The following GCNT1 variants were observed in gnomAD, a reference collection of about 807,000 sequenced individuals.
The protein encoded by GCNT1 is beta-1,3-galactosyl-O-glycosyl-glycoprotein beta-1,6-N-acetylglucosaminyltransferase.
GCNT1 carries 16 observed loss-of-function variants against 26.2 expected under a neutral mutation model. The observed-to-expected ratio is 0.61, with a 90% CI of 0.41 to 0.93. GCNT1 has a LOEUF of 0.93. GCNT1 is among the 40% of genes least tolerant of loss of function. GCNT1 has a pLI of 0.00. For synonymous variants in GCNT1, 183 were observed against 190.8 expected (o/e 0.96, Z 0.34); for missense variants, 477 against 526.7 (o/e 0.91, Z 0.92).
upstream of GCNT1, among the ~76,000 whole-genome samples, chr9:76,417,770 C>G (rs1173943921): frequency 2.6e-5 from 4 of 152,106 alleles, no homozygotes; most frequent in African/African-American, 4.8e-5. Context: ...CTTTTGTAGG[C>G]CATTAATTTC....
intron 2 of GCNT1, among the ~76,000 whole-genome samples, chr9:76,482,154 G>A (rs1023836437): frequency 2.6e-5 from 4 of 152,104 alleles, no homozygotes; most frequent in African/African-American, 7.2e-5. Context: ...TCACTTGCAA[G>A]ATGTACAGAA....
At chr9:76,414,224 T>C in the GCNT1 span, among the ~76,000 whole-genome samples, 1 of 152,220 alleles carries the variant, frequency 6.6e-6, no homozygotes, top group East Asian at 1.9e-4. Flanking sequence ...GCATCCTCAG[T>C]CTCTTCAAAT....
intron 1 of GCNT1, among the ~76,000 whole-genome samples, chr9:76,451,050 C>T (rs1823657509): frequency 6.6e-6 from 1 of 152,190 alleles, no homozygotes; most frequent in African/African-American, 2.4e-5. Flanking sequence ...TTAGGAGCCA[C>T]ACTTTCTTTT....
At chr9:76,455,757 G>A (rs1183868261), upstream of GCNT1, among the ~76,000 whole-genome samples, 3 of 151,704 alleles carry the variant, frequency 2.0e-5, no homozygotes, top group East Asian at 1.9e-4. Flanking sequence ...ATGTGCCACC[G>A]CACCCAGCTA....
intron 1 of GCNT1, 123 bp downstream of exon 1, chr9:76,459,428 C>G (rs1251622829): frequency 6.6e-6 from 1 of 152,202 alleles, no homozygotes; most frequent in Non-Finnish European, 1.5e-5. Flanking sequence ...GGCTGGGCTC[C>G]CCCGCGGAGG....
chr9:76,424,504 G>T (rs1564219163), intron 1 of GCNT1, among the ~76,000 whole-genome samples: 1 of 152,296 alleles, frequency 6.6e-6, no homozygotes, highest in Non-Finnish European at 1.5e-5. Context: ...AATTAATGTG[G>T]ACTGGTGTCG....
chr9:76,401,261 A>T, the GCNT1 span, among the ~76,000 whole-genome samples: 1 of 152,216 alleles, frequency 6.6e-6, no homozygotes, highest in Non-Finnish European at 1.5e-5. Context: ...ATGTATTTAC[A>T]TATTTATTTT....
upstream of GCNT1, among the ~76,000 whole-genome samples, chr9:76,458,219 G>A (rs183121539): frequency 0.039 from 4,315 of 111,746 alleles, 86 homozygotes; most frequent in Non-Finnish European, 0.052. Flanking sequence ...GTCTCGCTCT[G>A]TTGCCCAGGC....
upstream of GCNT1, among the ~76,000 whole-genome samples, chr9:76,440,016 G>T (rs901958037): frequency 6.6e-6 from 1 of 151,446 alleles, no homozygotes; most frequent in Admixed American, 6.6e-5. Context: ...CAGGAGAATC[G>T]CTTGAACCCA....
At chr9:76,476,442 A>G (rs892165124) in intron 2 of GCNT1, among the ~76,000 whole-genome samples, 7 of 151,812 alleles carry the variant, frequency 4.6e-5, no homozygotes, top group African/African-American at 7.3e-5. Context: ...AAAAAAAGAG[A>G]AAAAGAAAAA....
At chr9:76,403,888 T>G in the GCNT1 span, among the ~76,000 whole-genome samples, 5 of 152,188 alleles carry the variant, frequency 3.3e-5, no homozygotes, top group Non-Finnish European at 7.3e-5. Context: ...AATTATACAT[T>G]TGGTGCAATG....
chr9:76,428,291 T>TAAAAAAAAAAAA (rs1564220598), intron 1 of GCNT1, among the ~76,000 whole-genome samples: 10 of 77,014 alleles, frequency 1.3e-4, no homozygotes, highest in Non-Finnish European at 1.5e-4. Context: ...AAAAAAAAAC[T>TAAAAAAAAAAAA]TAAAAAAAAA....
intron 2 of GCNT1, among the ~76,000 whole-genome samples, chr9:76,490,122 G>A (rs894469659): frequency 1.3e-5 from 2 of 152,176 alleles, no homozygotes; most frequent in South Asian, 2.1e-4. Context: ...TTTGAAAGGC[G>A]TTGTCTGATT....
At chr9:76,483,210 G>A (rs1824469003) in intron 2 of GCNT1, among the ~76,000 whole-genome samples, 1 of 152,034 alleles carries the variant, frequency 6.6e-6, no homozygotes, top group African/African-American at 2.4e-5. Context: ...TATTTGTTGA[G>A]ACTAGCCTCA....
In GCNT1 at chr9:76,469,405, A is replaced by T. The variant is rs143851447; in HGVS notation, c.-290+9228A>T. Among the ~76,000 whole-genome samples the T allele has an allele frequency of 3.3e-5, 5 of 152,120 alleles. No homozygotes were observed. In the South Asian group the frequency reaches 8.3e-4, roughly 25 times the overall value. On this transcript the variant is annotated intron_variant, in intron 2 of 3. Coordinates refer to ENST00000376730, the MANE Select transcript of GCNT1 (RefSeq NM_001490.5). ...ATTAGGCAAAAACAGGAGGTAAAGA[A>T]ATAGCCAATCATCTATTGCCTGAGA... is the stretch of plus-strand genomic sequence containing the variant.
chr9:76,436,478 A>C (rs2018807), intron 1 of GCNT1, among the ~76,000 whole-genome samples: 1 of 151,582 alleles, frequency 6.6e-6, no homozygotes, highest in South Asian at 2.1e-4. Flanking sequence ...TGTAATCCCA[A>C]GTACTCCAGA....
rs1303730283 is a variant in GCNT1, at chr9:76,500,394, C to A, written c.-289-522C>A. Among the ~76,000 whole-genome samples the A allele has an allele frequency of 2.6e-5, 4 of 152,256 alleles. No individual in the cohort carries two copies. In the East Asian group the frequency reaches 7.7e-4, roughly 29 times the overall value. On this transcript the variant is annotated intron_variant, in intron 2 of 3. Transcript: ENST00000376730. ...GTAAGGGGCAGGAATTACTTAAAGGCATACTTTTTGTAGTGTTTTGATATT... is the reference window on the plus strand; with the variant it reads ...GTAAGGGGCAGGAATTACTTAAAGGAATACTTTTTGTAGTGTTTTGATATT...
chr9:76,501,310 A>C (rs1328486229), intron 3 of GCNT1, among the ~76,000 whole-genome samples: 4 of 152,196 alleles, frequency 2.6e-5, no homozygotes, highest in African/African-American at 9.6e-5. Context: ...TTGCCAAGTT[A>C]TAAAATTGAT....
At chr9:76,480,816 C>T (rs1185934530) in intron 2 of GCNT1, among the ~76,000 whole-genome samples, 1 of 152,082 alleles carries the variant, frequency 6.6e-6, no homozygotes, top group African/African-American at 2.4e-5. Context: ...ATTTTTTCTT[C>T]TGTATGTAAA....
Sources: allele counts gnomAD v4.1 joint callset (sites outside exome capture counted in the v4.1 genomes callset), GRCh38; gene constraint gnomAD v4.1.1; transcripts MANE v1.5; gene names NCBI Gene and HGNC (gene_info 2026-07-23, HGNC 2026-07-21).